SLC25A13: variants seen among roughly 807,000 people sequenced by gnomAD.
SLC25A13 encodes the protein solute carrier family 25 member 13, also known as electrogenic aspartate/glutamate antiporter SLC25A13, mitochondrial.
Under a neutral mutation model 85.5 loss-of-function variants are expected in SLC25A13, and 70 were observed. The ratio of observed to expected loss-of-function variants is 0.82; its 90% confidence interval spans 0.68 to 1.00. The LOEUF (loss-of-function observed/expected upper bound fraction) is 1.00. SLC25A13 is among the 50% of genes least tolerant of loss of function. SLC25A13 has a pLI of 0.00. For missense variants in SLC25A13, 765 were observed against 819.8 expected, an observed-to-expected ratio of 0.93 and a Z score of 0.82; for synonymous variants, 259 against 288.7, an observed-to-expected ratio of 0.90 and a Z score of 1.04.
chr7:96,208,696 G>A lies in SLC25A13; in HGVS notation c.468+142C>T, dbSNP rs1470010113. 23 of 897,322 alleles carry A rather than the reference G, an allele frequency of 2.6e-5. 2 individuals are homozygous for A. Among genetic ancestry groups the A allele is most frequent in the South Asian group, 1.5e-4 (11 of 73,906 alleles). The allele number at this position is 897,322 out of a possible 1,614,324, so 55.6% of individuals were successfully genotyped here. A position where few individuals can be genotyped will look rare whatever the true frequency, so the allele number is the denominator to read the frequency against. On this transcript the variant is annotated intron_variant, in intron 5 of 17. Transcript: ENST00000265631. Reference sequence around the variant, plus strand: ...AATTTTTTGTATTTTTAGTAGAGACGGGGTTTCACCATGTTGGCCAGGATG... The same window carrying A: ...AATTTTTTGTATTTTTAGTAGAGACAGGGTTTCACCATGTTGGCCAGGATG...
At chr7:96,214,341 T>A (rs1480026443) in intron 4 of SLC25A13, among the ~76,000 whole-genome samples, 1 of 152,142 alleles carries the variant, frequency 6.6e-6, no homozygotes, top group East Asian at 1.9e-4. Flanking sequence ...AACTAATAAA[T>A]AAGTCTAGCA....
intron 3 of SLC25A13, among the ~76,000 whole-genome samples, chr7:96,264,215 C>T (rs1797961167): frequency 6.6e-6 from 1 of 152,146 alleles, no homozygotes; most frequent in Non-Finnish European, 1.5e-5. Context: ...AAACATACAG[C>T]CACACTAACT....
chr7:96,134,475 G>A (rs1395562868), intron 14 of SLC25A13, among the ~76,000 whole-genome samples: 2 of 152,020 alleles, frequency 1.3e-5, no homozygotes, highest in African/African-American at 4.8e-5. Flanking sequence ...AGATTAACCT[G>A]TCTTATGCTA....
chr7:96,174,560 A>T (rs1470750729), intron 11 of SLC25A13, among the ~76,000 whole-genome samples: 1 of 152,214 alleles, frequency 6.6e-6, no homozygotes, highest in Non-Finnish European at 1.5e-5. Context: ...TATTCACATC[A>T]AGTAACAAAA....
intron 13 of SLC25A13, among the ~76,000 whole-genome samples, chr7:96,168,025 G>A (rs935590306): frequency 2.2e-4 from 33 of 147,848 alleles, no homozygotes; most frequent in Non-Finnish European, 3.1e-4. Context: ...GCTTGAACCC[G>A]GGAGGTGGAG....
intron 4 of SLC25A13, among the ~76,000 whole-genome samples, chr7:96,212,427 A>G (rs1196622985): frequency 6.6e-6 from 1 of 152,214 alleles, no homozygotes; most frequent in Non-Finnish European, 1.5e-5. Context: ...TTCAAACAGT[A>G]CACTGTATCA....
chr7:96,261,505 T>C (rs570310435), intron 3 of SLC25A13, among the ~76,000 whole-genome samples: 1 of 152,318 alleles, frequency 6.6e-6, no homozygotes, highest in East Asian at 1.9e-4. Context: ...ATCAGTTATC[T>C]TCTTTCACCT....
chr7:96,259,655 TCAAGAATCTAGAA>T lies in SLC25A13; in HGVS notation c.212+17528_212+17540del, dbSNP rs1267515928. ...TTGTGGAAGTCAGTGTGGTGATTCC[TCAAGAATCTAGAA>T]CTAGAAATACCATTTGACCTAGCAA... On this transcript the variant is annotated intron_variant, in intron 3 of 17. Coordinates refer to ENST00000265631, the MANE Select transcript of SLC25A13 (RefSeq NM_014251.3). Among the ~76,000 whole-genome samples, 4 of 152,322 alleles carry T rather than the reference TCAAGAATCTAGAA, an allele frequency of 2.6e-5. 1 individual carries two copies. In the South Asian group the frequency reaches 8.3e-4, roughly 32 times the overall value.
At position 96,121,113 on chromosome 7, in the gene SLC25A13, G is replaced by A. The variant is rs1791479962; in HGVS notation, c.*78C>T. ...AAGAGATGGACGTAAAAGGGATGAAGCATTGCTTCATTCCCAGGAGGGATG... is the reference window on the plus strand; with the variant it reads ...AAGAGATGGACGTAAAAGGGATGAAACATTGCTTCATTCCCAGGAGGGATG... On this transcript the variant is annotated 3_prime_UTR_variant, in exon 18 of 18. Transcript: ENST00000265631. 2 of 1,461,870 alleles carry A rather than the reference G, an allele frequency of 1.4e-6. No individual in the cohort carries two copies. Among genetic ancestry groups the A allele is most frequent in the African/African-American group, 1.4e-5 (1 of 71,694 alleles). 90.6% of individuals were successfully genotyped at this position (1,461,870 alleles called of 1,614,324 possible). A position where few individuals can be genotyped will look rare whatever the true frequency, so the allele number is the denominator to read the frequency against.
chr7:96,190,985 G>A (rs1316636327), intron 7 of SLC25A13, 124 bp downstream of exon 7: 11 of 1,180,028 alleles, frequency 9.3e-6, no homozygotes, highest in South Asian at 3.7e-5. Flanking sequence ...AAAAACACAC[G>A]TTATCATATA....
chr7:96,187,072 C>T (rs1794670342), intron 9 of SLC25A13, among the ~76,000 whole-genome samples: 1 of 152,160 alleles, frequency 6.6e-6, no homozygotes, highest in Non-Finnish European at 1.5e-5. Context: ...CTATTATCCT[C>T]ACAGTGTTTT....
chr7:96,219,748 T>C (rs749493528), intron 4 of SLC25A13: 4 of 534,418 alleles, frequency 7.5e-6, no homozygotes, highest in Admixed American at 5.8e-5. Flanking sequence ...GTCTACCTCA[T>C]TGATAAGACT....
intron 3 of SLC25A13, among the ~76,000 whole-genome samples, chr7:96,239,228 A>G (rs1015143732): frequency 6.7e-6 from 1 of 149,878 alleles, no homozygotes; most frequent in Non-Finnish European, 1.5e-5. Context: ...TGCAGGAGGT[A>G]TATAGATGAA....
chr7:96,249,726 G>A (rs1797337303), intron 3 of SLC25A13, among the ~76,000 whole-genome samples: 1 of 151,844 alleles, frequency 6.6e-6, no homozygotes, highest in African/African-American at 2.4e-5. Context: ...AGAAACTGTT[G>A]GGAGTACTTT....
Position 96,271,139 on chromosome 7 carries a change from C to T in SLC25A13, c.212+6057G>A, listed in dbSNP as rs1798224260. On this transcript the variant is annotated intron_variant, in intron 3 of 17. Coordinates refer to ENST00000265631, the MANE Select transcript of SLC25A13 (RefSeq NM_014251.3). ...CAAATTCCAGGGATTAGGAATAGAT[C>T]TCTTTGGGTGGCCATTATTCAGCCT... Among the ~76,000 whole-genome samples the T allele has an allele frequency of 2.6e-5, 4 of 152,150 alleles. No homozygotes were observed. The South Asian group carries it at 8.3e-4, about 32-fold the overall frequency.
intron 14 of SLC25A13, among the ~76,000 whole-genome samples, chr7:96,137,359 G>C (rs1248434619): frequency 6.6e-6 from 1 of 152,174 alleles, no homozygotes; most frequent in Non-Finnish European, 1.5e-5. Flanking sequence ...CTTTAATCCA[G>C]GGACTTTAGG....
intron 3 of SLC25A13, among the ~76,000 whole-genome samples, chr7:96,267,335 T>C (rs1389672200): frequency 6.6e-6 from 1 of 152,214 alleles, no homozygotes; most frequent in East Asian, 1.9e-4. Flanking sequence ...TAAAAGGCCA[T>C]ATATTCTTTC....
intron 14 of SLC25A13, among the ~76,000 whole-genome samples, chr7:96,145,881 T>G (rs1209777042): frequency 6.6e-6 from 1 of 152,252 alleles, no homozygotes; most frequent in Non-Finnish European, 1.5e-5. Context: ...GACATTTTAT[T>G]TTTCTCCCAT....
intron 3 of SLC25A13, among the ~76,000 whole-genome samples, chr7:96,244,590 C>T (rs530188891): frequency 5.9e-5 from 9 of 152,108 alleles, no homozygotes; most frequent in Admixed American, 2.0e-4. Context: ...GTGCTTTTCT[C>T]GGATGCCTTT....
Sources: gnomAD v4.1 joint callset for allele counts (sites outside exome capture counted in the v4.1 genomes callset) on GRCh38, gnomAD v4.1.1 for gene constraint, MANE v1.5 for transcripts, NCBI Gene and HGNC (gene_info 2026-07-23, HGNC 2026-07-21) for gene names.